GHR: variants seen among roughly 807,000 people sequenced by gnomAD.
The protein encoded by GHR is growth hormone receptor.
Under a neutral mutation model 67.1 loss-of-function variants are expected in GHR, and 35 were observed. The ratio of observed to expected loss-of-function variants is 0.52; its 90% confidence interval spans 0.40 to 0.69. The LOEUF is 0.69. GHR is among the 30% of genes least tolerant of loss of function. The probability of loss-of-function intolerance (pLI) is 0.00; values close to 1 mark genes in which losing one functional copy is unlikely to be tolerated. For synonymous variants in GHR, 272 were observed against 269.1 expected (o/e 1.01, Z -0.10); for missense variants, 792 against 764.6 (o/e 1.04, Z -0.42).
chr5:42,437,869 A>G (rs1188175326), intron 1 of GHR, among the ~76,000 whole-genome samples: 1 of 141,696 alleles, frequency 7.1e-6, no homozygotes, highest in Non-Finnish European at 1.5e-5. Context: ...CTGTCTTCTG[A>G]AAAAAAAAAA....
chr5:42,699,039 G>A (rs1000088401), intron 5 of GHR, among the ~76,000 whole-genome samples: 1 of 152,180 alleles, frequency 6.6e-6, no homozygotes, highest in Non-Finnish European at 1.5e-5. Flanking sequence ...TTGTTCATGT[G>A]ACAGTCAAAA....
intron 1 of GHR, among the ~76,000 whole-genome samples, chr5:42,510,116 T>A (rs896852686): frequency 2.0e-5 from 3 of 152,194 alleles, no homozygotes. Context: ...ATCCTTTGGT[T>A]GCTTGGGTTA....
chr5:42,578,798 A>T (rs947388729), intron 2 of GHR, among the ~76,000 whole-genome samples: 4 of 152,206 alleles, frequency 2.6e-5, no homozygotes, highest in Non-Finnish European at 4.4e-5. Context: ...AAGTTGTCAG[A>T]CAGCTGTTAA....
chr5:42,503,994 C>T (rs1388275950), intron 1 of GHR, among the ~76,000 whole-genome samples: 1 of 152,054 alleles, frequency 6.6e-6, no homozygotes, highest in East Asian at 1.9e-4. Context: ...GGCCATAGCA[C>T]TGATTGGATA....
At chr5:42,451,525 A>G (rs1483423018) in intron 1 of GHR, among the ~76,000 whole-genome samples, 1 of 151,834 alleles carries the variant, frequency 6.6e-6, no homozygotes, top group East Asian at 1.9e-4. Flanking sequence ...GCAGATCACA[A>G]GGTCAGGAGT....
At chr5:42,430,280 G>A (rs920731290) in intron 1 of GHR, among the ~76,000 whole-genome samples, 1 of 152,088 alleles carries the variant, frequency 6.6e-6, no homozygotes, top group Non-Finnish European at 1.5e-5. Context: ...TATCTGTCTT[G>A]GGCTTCCAGC....
intron 2 of GHR, among the ~76,000 whole-genome samples, chr5:42,583,856 G>GATATATATATCTTTAAATAAAGATATAT (rs1751325048): frequency 2.7e-5 from 4 of 147,026 alleles, no homozygotes; most frequent in Non-Finnish European, 6.0e-5. Context: ...AAAAAATAAA[G>GATATATATATCTTTAAATAAAGATATAT]ATATATATAT....
chr5:42,529,446 A>G (rs13166285), intron 1 of GHR, among the ~76,000 whole-genome samples: 75,448 of 151,998 alleles, frequency 0.5, 19,626 homozygotes, highest in African/African-American at 0.62. Context: ...TTATATTTTG[A>G]CATACATTCT....
At chr5:42,446,048 T>C (rs1008476262) in intron 1 of GHR, among the ~76,000 whole-genome samples, 22 of 152,172 alleles carry the variant, frequency 1.4e-4, no homozygotes. Context: ...TCTACACAGG[T>C]TGGGGCAAAA....
At chr5:42,558,382 T>C (rs1749425211) in intron 1 of GHR, among the ~76,000 whole-genome samples, 1 of 152,230 alleles carries the variant, frequency 6.6e-6, no homozygotes, top group Non-Finnish European at 1.5e-5. Context: ...ATAGTAAGCA[T>C]TTAATGTTTT....
At chr5:42,512,229 T>C (rs1747047834) in intron 1 of GHR, among the ~76,000 whole-genome samples, 1 of 151,954 alleles carries the variant, frequency 6.6e-6, no homozygotes, top group African/African-American at 2.4e-5. Flanking sequence ...ATGAAAACAA[T>C]GTGAGAAAAT....
chr5:42,527,366 A>T (rs1197680372), intron 1 of GHR, among the ~76,000 whole-genome samples: 3 of 152,226 alleles, frequency 2.0e-5, no homozygotes, highest in African/African-American at 7.2e-5. Context: ...GGGTGGAGGA[A>T]AATCTACCAG....
intron 1 of GHR, among the ~76,000 whole-genome samples, chr5:42,471,367 A>G (rs1305055815): frequency 1.3e-5 from 2 of 152,244 alleles, no homozygotes; most frequent in East Asian, 3.8e-4. Context: ...ACTTTAAAAA[A>G]TATGAGGACT....
Position 42,652,233 on chromosome 5 carries a change from A to G in GHR, c.136+23130A>G, listed in dbSNP as rs190619220. On this transcript the variant is annotated intron_variant, in intron 3 of 9. Transcript: ENST00000230882. ...TTCAAACTTTTATATCCTAAACTCAAGATTTGGGCCTTGAAAAATAAAACT... is the reference window on the plus strand; with the variant it reads ...TTCAAACTTTTATATCCTAAACTCAGGATTTGGGCCTTGAAAAATAAAACT... Among the ~76,000 whole-genome samples, 77 of 152,290 alleles carry G rather than the reference A, an allele frequency of 5.1e-4. 1 individual carries two copies. The highest frequency in any genetic ancestry group is 1.8e-3 in the African/African-American group (73 of 41,566).
At chr5:42,594,275 C>T (rs1751949674) in intron 2 of GHR, among the ~76,000 whole-genome samples, 1 of 152,112 alleles carries the variant, frequency 6.6e-6, no homozygotes, top group African/African-American at 2.4e-5. Flanking sequence ...TTCTTTTATG[C>T]TTTTATTTAT....
chr5:42,565,757 A>G, intron 1 of GHR, 107 bp from the exon 2 acceptor site: 1 of 1,598,746 alleles, frequency 6.3e-7, no homozygotes, highest in Non-Finnish European at 8.5e-7. Context: ...TCCTTCTGGA[A>G]CTGACTCGTC....
intron 3 of GHR, among the ~76,000 whole-genome samples, chr5:42,659,943 A>T (rs1191522423): frequency 6.6e-6 from 1 of 152,118 alleles, no homozygotes; most frequent in Non-Finnish European, 1.5e-5. Flanking sequence ...AAAACGGCGC[A>T]CCAGGAGATT....
chr5:42,652,222 T>C (rs768372792), intron 3 of GHR, among the ~76,000 whole-genome samples: 11 of 152,212 alleles, frequency 7.2e-5, no homozygotes, highest in Non-Finnish European at 1.5e-4. Flanking sequence ...AACTTTTATA[T>C]CCTAAACTCA....
intron 1 of GHR, among the ~76,000 whole-genome samples, chr5:42,521,479 T>C (rs2112303926): frequency 6.6e-6 from 1 of 152,344 alleles, no homozygotes; most frequent in South Asian, 2.1e-4. Flanking sequence ...GCAGCTGCAC[T>C]GGCTTTCAGA....
Sources: gnomAD v4.1 joint callset for allele counts (sites outside exome capture counted in the v4.1 genomes callset) on GRCh38, gnomAD v4.1.1 for gene constraint, MANE v1.5 for transcripts, NCBI Gene and HGNC (gene_info 2026-07-23, HGNC 2026-07-21) for gene names.